Variants in ULK4 observed in about 807,000 individuals in gnomAD.
The protein encoded by ULK4 is unc-51 like kinase 4.
In ULK4, 133 loss-of-function variants were observed where a neutral mutation model predicts 160.6. The observed-to-expected ratio is 0.83, with a 90% CI of 0.72 to 0.96. The LOEUF (loss-of-function observed/expected upper bound fraction) is 0.96, where lower values mean the gene tolerates loss of function less well. Ranked by LOEUF, ULK4 falls within the 40% of genes least tolerant of loss-of-function variation. The pLI is 0.00. For missense variants in ULK4, 1,580 were observed against 1,499.5 expected (o/e 1.05, Z -0.89); for synonymous variants, 534 against 539.8 (o/e 0.99, Z 0.15).
At chr3:41,683,302 G>A (rs776702492) in intron 27 of ULK4, among the ~76,000 whole-genome samples, 1 of 152,046 alleles carries the variant, frequency 6.6e-6, no homozygotes, top group Non-Finnish European at 1.5e-5. Context: ...AGCCTCGTCT[G>A]GGAGAACTCT....
intron 31 of ULK4, among the ~76,000 whole-genome samples, chr3:41,604,369 A>C (rs527484000): frequency 3.9e-5 from 6 of 152,282 alleles, no homozygotes; most frequent in Non-Finnish European, 7.4e-5. Flanking sequence ...TATGTAAGAC[A>C]TGAAGTGGTA....
intron 35 of ULK4, among the ~76,000 whole-genome samples, chr3:41,373,171 C>T (rs891477825): frequency 3.3e-5 from 5 of 152,166 alleles, no homozygotes; most frequent in African/African-American, 1.2e-4. Flanking sequence ...GAGACTTAGA[C>T]TGCCACACAA....
At chr3:41,481,826 CA>C (rs71616009) in intron 32 of ULK4, among the ~76,000 whole-genome samples, 16,365 of 66,882 alleles carry the variant, frequency 0.24, 1,028 homozygotes, top group African/African-American at 0.42. Context: ...GACTCCGTCT[CA>C]AAAAAAAAAA....
At chr3:41,338,102 C>G (rs149950355) in intron 35 of ULK4, among the ~76,000 whole-genome samples, 1 of 152,208 alleles carries the variant, frequency 6.6e-6, no homozygotes, top group African/African-American at 2.4e-5. Flanking sequence ...GCAAAGAGAG[C>G]CTTTCAGAGA....
In ULK4 at chr3:41,632,915, G is replaced by C. The variant is rs566002758; in HGVS notation, c.3072-17198C>G. Among the ~76,000 whole-genome samples, 156 of 152,260 alleles carry C rather than the reference G, an allele frequency of 1.0e-3. 1 individual carries two copies. The highest frequency in any genetic ancestry group is 3.7e-3 in the African/African-American group (152 of 41,548). On this transcript the variant is annotated intron_variant, in intron 30 of 36. Transcript: ENST00000301831. ...TAGGTACAGCCTGAGGTTCAGCAAAGGAGCAGGTTTCTGACAGCAGGTGGA... is the reference window on the plus strand; with the variant it reads ...TAGGTACAGCCTGAGGTTCAGCAAACGAGCAGGTTTCTGACAGCAGGTGGA...
chr3:41,505,107 T>C (rs1185952113), intron 32 of ULK4, among the ~76,000 whole-genome samples: 1 of 152,200 alleles, frequency 6.6e-6, no homozygotes, highest in Non-Finnish European at 1.5e-5. Flanking sequence ...TAAGCTACTA[T>C]CTGCATATAT....
chr3:41,951,591 G>A (rs1051823946), intron 2 of ULK4, among the ~76,000 whole-genome samples: 1 of 152,170 alleles, frequency 6.6e-6, no homozygotes, highest in Admixed American at 6.5e-5. Flanking sequence ...ACTATTCAAT[G>A]AGGAAAGGGC....
At chr3:41,719,534 C>G (rs2037380275) in intron 22 of ULK4, among the ~76,000 whole-genome samples, 1 of 152,144 alleles carries the variant, frequency 6.6e-6, no homozygotes. Context: ...CACTCTCTAC[C>G]TTATTAAACA....
rs909644867 is a variant in ULK4 at position 41,642,120 on chromosome 3, T to A, written c.3071+21487A>T. ...AACCCCTGACCTCAGGTGATCCGCC[T>A]GCCTAGGTCTCCCAAAGTGCCAGGA... On this transcript the variant is annotated intron_variant, in intron 30 of 36. Transcript: ENST00000301831. Among the ~76,000 whole-genome samples the A allele has an allele frequency of 2.6e-5, 4 of 152,108 alleles. 1 individual carries two copies. Among genetic ancestry groups the A allele is most frequent in the African/African-American group, 9.7e-5 (4 of 41,416 alleles).
At chr3:41,758,805 G>A (rs1401362632) in intron 21 of ULK4, among the ~76,000 whole-genome samples, 7 of 151,454 alleles carry the variant, frequency 4.6e-5, no homozygotes, top group East Asian at 1.9e-4. Flanking sequence ...CCCGGGAGGC[G>A]GAGCTTGCAG....
rs200447221 is a variant in ULK4 at position 41,819,409 on chromosome 3, C to G, written c.1848+14G>C. ...AATTGCCAGCATCTACAGAGGACAACAAAGGAGCCTTACCCCTTCCCGAAG... is the reference window on the plus strand; with the variant it reads ...AATTGCCAGCATCTACAGAGGACAAGAAAGGAGCCTTACCCCTTCCCGAAG... On this transcript the variant is annotated intron_variant, in intron 19 of 36. Coordinates refer to ENST00000301831, the MANE Select transcript of ULK4 (RefSeq NM_017886.4). 22 of 1,611,844 alleles carry G rather than the reference C, an allele frequency of 1.4e-5. No homozygotes were observed. The highest frequency in any genetic ancestry group is 1.6e-5 in the Non-Finnish European group (19 of 1,179,186).
intron 5 of ULK4, among the ~76,000 whole-genome samples, chr3:41,931,290 A>G (rs969452200): frequency 1.3e-5 from 2 of 152,144 alleles, no homozygotes; most frequent in South Asian, 2.1e-4. Context: ...ATGAGAACAC[A>G]TGGACACAGG....
At chr3:41,853,788 G>A (rs2042271109) in intron 17 of ULK4, among the ~76,000 whole-genome samples, 1 of 152,162 alleles carries the variant, frequency 6.6e-6, no homozygotes, top group Non-Finnish European at 1.5e-5. Context: ...TACAGAGGCT[G>A]TGTAGTGAGT....
chr3:41,515,123 G>A (rs1460579942), intron 32 of ULK4, among the ~76,000 whole-genome samples: 2 of 151,790 alleles, frequency 1.3e-5, no homozygotes, highest in Non-Finnish European at 2.9e-5. Flanking sequence ...TGTGTGTGAT[G>A]GTACACCCTT....
At chr3:41,279,255 T>A (rs1047306342) in intron 35 of ULK4, among the ~76,000 whole-genome samples, 1,091 of 41,850 alleles carry the variant, frequency 0.026, no homozygotes, top group East Asian at 0.046. Context: ...AAAAAAAGAG[T>A]AAAAAAAAAA....
At chr3:41,346,717 T>C (rs2080807635) in intron 35 of ULK4, among the ~76,000 whole-genome samples, 1 of 152,232 alleles carries the variant, frequency 6.6e-6, no homozygotes, top group South Asian at 2.1e-4. Context: ...GACATACATT[T>C]GTGTGCTGTG....
At chr3:41,438,718 T>C (rs1056280890) in intron 34 of ULK4, among the ~76,000 whole-genome samples, 13 of 151,616 alleles carry the variant, frequency 8.6e-5, no homozygotes, top group African/African-American at 3.2e-4. Context: ...TCCCAGCCAC[T>C]TGGGAGACTG....
chr3:41,869,638 G>A (rs1387700093), intron 17 of ULK4, among the ~76,000 whole-genome samples: 1 of 151,984 alleles, frequency 6.6e-6, no homozygotes, highest in Non-Finnish European at 1.5e-5. Context: ...AAAATATAGG[G>A]ATACAATAAA....
At chr3:41,770,256 C>G (rs1295850609) in intron 21 of ULK4, among the ~76,000 whole-genome samples, 2 of 152,114 alleles carry the variant, frequency 1.3e-5, no homozygotes, top group African/African-American at 2.4e-5. Context: ...CACGGTGCTT[C>G]CAAATTATAC....
Sources: allele counts gnomAD v4.1 joint callset (sites outside exome capture counted in the v4.1 genomes callset), GRCh38; gene constraint gnomAD v4.1.1; transcripts MANE v1.5; gene names NCBI Gene and HGNC (gene_info 2026-07-23, HGNC 2026-07-21).